Variants in AKAP6 observed in about 807,000 individuals in gnomAD.
The protein encoded by AKAP6 is A-kinase anchor protein 6.
Under a neutral mutation model 188.5 loss-of-function variants are expected in AKAP6, and 58 were observed. The ratio of observed to expected loss-of-function variants is 0.31; its 90% CI spans 0.25 to 0.38. The LOEUF (loss-of-function observed/expected upper bound fraction) is 0.38, where lower values mean the gene tolerates loss of function less well. Among genes scored for constraint, AKAP6 ranks in the 10% least tolerant of loss-of-function variants. The pLI is 1.00. For missense variants in AKAP6, 2,710 were observed against 2,740.0 expected, an observed-to-expected ratio of 0.99 and a Z score of 0.24; for synonymous variants, 989 against 998.6, an observed-to-expected ratio of 0.99 and a Z score of 0.18.
chr14:32,440,409 A>G (rs985212741), intron 2 of AKAP6, among the ~76,000 whole-genome samples: 2 of 152,124 alleles, frequency 1.3e-5, no homozygotes, highest in Admixed American at 6.5e-5. Context: ...CAGCACACCA[A>G]CATGGCGAAC....
intron 9 of AKAP6, among the ~76,000 whole-genome samples, chr14:32,717,224 A>T (rs1014235075): frequency 6.6e-6 from 1 of 152,138 alleles, no homozygotes; most frequent in African/African-American, 2.4e-5. Flanking sequence ...TGTTGTGGCT[A>T]TAAGCTGTGC....
At chr14:32,524,083 A>G (rs1393978794) in intron 2 of AKAP6, among the ~76,000 whole-genome samples, 2 of 152,298 alleles carry the variant, frequency 1.3e-5, no homozygotes, top group Admixed American at 6.5e-5. Flanking sequence ...ACGTGCCTAT[A>G]ATCCAGCTAC....
At chr14:32,662,383 A>T (rs1888741728) in intron 7 of AKAP6, among the ~76,000 whole-genome samples, 1 of 152,100 alleles carries the variant, frequency 6.6e-6, no homozygotes, top group African/African-American at 2.4e-5. Flanking sequence ...TTATTCTGAC[A>T]CATTTCATTC....
chr14:32,732,145 T>C (rs896608568), intron 9 of AKAP6, among the ~76,000 whole-genome samples: 1 of 152,054 alleles, frequency 6.6e-6, no homozygotes, highest in Non-Finnish European at 1.5e-5. Context: ...AAATTAACTG[T>C]AATATTAAAC....
Position 32,559,057 on chromosome 14 carries a change from G to A in AKAP6, c.2346+12058G>A, listed in dbSNP as rs565522202. Among the ~76,000 whole-genome samples the A allele has an allele frequency of 7.9e-5, 12 of 152,244 alleles. No homozygotes were observed. The South Asian group carries it at 2.5e-3, about 32-fold the overall frequency. On this transcript the variant is annotated intron_variant, in intron 4 of 13. Transcript: ENST00000280979. The stretch of plus-strand genomic sequence containing the variant: ...AGAAAGAATAGGGCCAAGATATGAG[G>A]GACTTTGAATTCCAAGTGTTTGCAT...
At chr14:32,680,702 T>C (rs1302668461) in intron 8 of AKAP6, among the ~76,000 whole-genome samples, 2 of 152,248 alleles carry the variant, frequency 1.3e-5, no homozygotes, top group Non-Finnish European at 2.9e-5. Flanking sequence ...ACTGAGCTGC[T>C]ACACTGAATG....
chr14:32,353,921 AAGG>A (rs1251612503), intron 1 of AKAP6, among the ~76,000 whole-genome samples: 6 of 152,308 alleles, frequency 3.9e-5, no homozygotes, highest in African/African-American at 1.4e-4. Flanking sequence ...GGACCTCTTC[AAGG>A]AGAACTACAA....
At chr14:32,474,614 T>G (rs1878961501) in intron 2 of AKAP6, 1 of 152,242 alleles carries the variant, frequency 6.6e-6, no homozygotes, top group Admixed American at 6.5e-5. Flanking sequence ...TGGGGCTGGC[T>G]TATAGTTCAC....
At chr14:32,676,494 C>G (rs1165195737) in intron 7 of AKAP6, among the ~76,000 whole-genome samples, 1 of 152,138 alleles carries the variant, frequency 6.6e-6, no homozygotes, top group Non-Finnish European at 1.5e-5. Context: ...CTAGATCTAG[C>G]GTTTTCTTTG....
chr14:32,486,304 T>C (rs551235461), intron 2 of AKAP6, among the ~76,000 whole-genome samples: 8 of 152,298 alleles, frequency 5.3e-5, no homozygotes, highest in Non-Finnish European at 8.8e-5. Context: ...TATGGGCTCT[T>C]TTTTGGTTCC....
intron 4 of AKAP6, 54 bp from the exon 5 acceptor site, chr14:32,577,066 C>T: frequency 6.4e-7 from 1 of 1,569,848 alleles, no homozygotes; most frequent in Non-Finnish European, 8.6e-7. Context: ...ACAGAATAAC[C>T]AACTAACATG....
chr14:32,694,563 A>G (rs941144348), intron 8 of AKAP6, among the ~76,000 whole-genome samples: 3 of 152,234 alleles, frequency 2.0e-5, no homozygotes, highest in Non-Finnish European at 4.4e-5. Flanking sequence ...TTTTAACTAC[A>G]TCAACTATAA....
intron 7 of AKAP6, among the ~76,000 whole-genome samples, chr14:32,653,147 C>G (rs1012674018): frequency 6.6e-6 from 1 of 152,140 alleles, no homozygotes; most frequent in Non-Finnish European, 1.5e-5. Flanking sequence ...AAGAGTCACT[C>G]AATTAGTTGG....
Position 32,629,442 on chromosome 14 carries a change from G to C in AKAP6, c.2730+28650G>C, listed in dbSNP as rs904174478. 9.2e-5 allele frequency among the ~76,000 whole-genome samples: 12 copies of C among 130,860 alleles called. 1 individual carries two copies. The South Asian group carries it at 3.0e-3, about 33-fold the overall frequency. 85.8% of individuals were successfully genotyped at this position (130,860 alleles called of 152,430 possible). On this transcript the variant is annotated intron_variant, in intron 7 of 13. Transcript: ENST00000280979. The stretch of plus-strand genomic sequence containing the variant: ...AAAAAAAAAAAAAAGGAAAGAAAAA[G>C]AAAGAAGGCAGTCATGTTTTTTTTT...
chr14:32,516,728 G>C lies in AKAP6; in HGVS notation c.325-18826G>C, dbSNP rs568473184. Among the ~76,000 whole-genome samples the C allele has an allele frequency of 2.0e-4, 30 of 152,166 alleles. No homozygotes were observed. The East Asian group carries it at 5.6e-3, about 28-fold the overall frequency. On this transcript the variant is annotated intron_variant, in intron 2 of 13. Coordinates refer to ENST00000280979, the MANE Select transcript of AKAP6 (RefSeq NM_004274.5). ...ACCCTGTATTCCTGAATTTGAATTG[G>C]ATATATCAATTGTGAACTCATAGGT...
intron 2 of AKAP6, among the ~76,000 whole-genome samples, chr14:32,481,764 G>A (rs77232894): frequency 0.011 from 1,738 of 152,234 alleles, 15 homozygotes; most frequent in East Asian, 0.026. Flanking sequence ...CAAGCAAGCT[G>A]TAACATCTCC....
At chr14:32,552,811 A>G (rs771754367) in intron 4 of AKAP6, among the ~76,000 whole-genome samples, 1 of 152,226 alleles carries the variant, frequency 6.6e-6, no homozygotes, top group Non-Finnish European at 1.5e-5. Context: ...GTAAATGTGG[A>G]CACACTGAGA....
At chr14:32,502,205 G>A (rs1880641450) in intron 2 of AKAP6, among the ~76,000 whole-genome samples, 1 of 152,086 alleles carries the variant, frequency 6.6e-6, no homozygotes, top group Non-Finnish European at 1.5e-5. Flanking sequence ...TCTTAATGGT[G>A]AAATTATTGA....
intron 11 of AKAP6, among the ~76,000 whole-genome samples, chr14:32,764,226 G>A (rs1391505569): frequency 1.3e-5 from 2 of 152,298 alleles, no homozygotes; most frequent in Middle Eastern, 3.4e-3. Context: ...AAATTCTGAA[G>A]TACTTACAAC....
Sources: gnomAD v4.1 joint callset for allele counts (sites outside exome capture counted in the v4.1 genomes callset) on GRCh38, gnomAD v4.1.1 for gene constraint, MANE v1.5 for transcripts, NCBI Gene and HGNC (gene_info 2026-07-23, HGNC 2026-07-21) for gene names.